SKOR1: variants seen among roughly 807,000 people sequenced by gnomAD.
The protein encoded by SKOR1 is SKI family transcriptional corepressor 1.
SKOR1 carries 38 observed loss-of-function variants against 72.4 expected under a neutral mutation model. That is an observed-to-expected ratio of 0.52 (90% CI 0.40 to 0.69). The LOEUF (loss-of-function observed/expected upper bound fraction) is 0.69, where lower values mean the gene tolerates loss of function less well. Ranked by LOEUF, SKOR1 falls within the 30% of genes least tolerant of loss-of-function variation. The pLI, the probability that SKOR1 is intolerant of heterozygous loss-of-function variation, is 0.00. For synonymous variants in SKOR1, 642 were observed against 599.4 expected (o/e 1.07, Z -1.04); for missense variants, 1,320 against 1,343.2 (o/e 0.98, Z 0.27).
At chr15:67,831,191 C>A (rs954741284) in intron 5 of SKOR1, among the ~76,000 whole-genome samples, 1 of 152,136 alleles carries the variant, frequency 6.6e-6, no homozygotes, top group Non-Finnish European at 1.5e-5. Flanking sequence ...AAATGAGTAA[C>A]AATGATCAGA....
At position 67,826,911 on chromosome 15, in the gene SKOR1, A is replaced by G; in HGVS notation, c.1083A>G (p.Gly361=). The G allele has an allele frequency of 6.4e-7, 1 of 1,557,324 alleles. No homozygotes were observed. The highest frequency in any genetic ancestry group is 1.2e-5 in the South Asian group (1 of 86,004). ...GAGCTAGTGGCCCGGCGGGCCCAGG[A>G]GGGCCCGGTGGCGGCGCCGGCGTAC... The part of the protein sequence containing the change: ...ATGASGPAGP[G]GPGGGAGVRS... Residue 361 remains glycine (G), a synonymous_variant, in exon 2 of 9, where the codon GGA becomes GGG. Coordinates refer to ENST00000380035, the MANE Select transcript of SKOR1 (RefSeq NM_001365915.1).
chr15:67,825,863 T>G lies in SKOR1; in HGVS notation c.108-73T>G. The G allele has an allele frequency of 1.3e-6, 2 of 1,513,016 alleles. No individual in the cohort carries two copies. The highest frequency in any genetic ancestry group is 1.8e-6 in the Non-Finnish European group (2 of 1,138,058). The allele number at this position is 1,513,016 out of a possible 1,614,324, so 93.7% of individuals were successfully genotyped here. On this transcript the variant is annotated intron_variant, in intron 1 of 8. Coordinates refer to ENST00000380035, the MANE Select transcript of SKOR1 (RefSeq NM_001365915.1). This position sits in a 1 kb window ranked among gnomAD's most constrained non-coding sequence, Gnocchi z 5.6. ...CCCGCGCGCCCAACTCGGAGCGCCCTGCTGGGCGGGCCCGAGCCTCGGCGG... is the reference window on the plus strand; with the variant it reads ...CCCGCGCGCCCAACTCGGAGCGCCCGGCTGGGCGGGCCCGAGCCTCGGCGG...
chr15:67,833,888 T>C lies in SKOR1; in HGVS notation c.*52T>C. The C allele has an allele frequency of 6.4e-7, 1 of 1,554,920 alleles. No homozygotes were observed. The highest frequency in any genetic ancestry group is 8.8e-7 in the Non-Finnish European group (1 of 1,137,970). Reference sequence around the variant, plus strand: ...CTCAAGCCATGCTGCTCCTTGTAAATACCCGCTGCTGCGGTGGCCCTGAGC... The same window carrying C: ...CTCAAGCCATGCTGCTCCTTGTAAACACCCGCTGCTGCGGTGGCCCTGAGC... On this transcript the variant is annotated 3_prime_UTR_variant, in exon 9 of 9. Coordinates refer to ENST00000380035, the MANE Select transcript of SKOR1 (RefSeq NM_001365915.1). This position sits in a 1 kb window ranked among gnomAD's most constrained non-coding sequence, Gnocchi z 6.0.
Position 67,832,530 on chromosome 15 carries a change from G to T in SKOR1, c.2663-77G>T. The T allele has an allele frequency of 7.1e-7, 1 of 1,413,442 alleles. No individual in the cohort carries two copies. The highest frequency in any genetic ancestry group is 2.3e-5 in the East Asian group (1 of 43,378). 87.6% of individuals were successfully genotyped at this position (1,413,442 alleles called of 1,614,324 possible). On this transcript the variant is annotated intron_variant, in intron 6 of 8. Transcript: ENST00000380035. This position sits in a 1 kb window ranked among gnomAD's most constrained non-coding sequence, Gnocchi z 4.5. ...GTGGGAGTTGGGGGTAGGGGTGAAA[G>T]GGGGGGCCAGGAGTGAGAAAGTGGA... is the stretch of plus-strand genomic sequence containing the variant.
chr15:67,833,478 T>C lies in SKOR1; in HGVS notation c.2803+221T>C, dbSNP rs1284125359. ...GCTTTGGACGTCAGAAAAATCTGCC[T>C]TCTATTACCAATTCTGGCTTTGAGC... On this transcript the variant is annotated intron_variant, in intron 8 of 8. Transcript: ENST00000380035. The surrounding 1 kb of genome is among the most constrained non-coding windows in gnomAD (Gnocchi z 6.0). Among the ~76,000 whole-genome samples the C allele has an allele frequency of 6.6e-6, 1 of 152,206 alleles. No homozygotes were observed. Among genetic ancestry groups the C allele is most frequent in the Non-Finnish European group, 1.5e-5 (1 of 68,040 alleles).
rs1566977819 is a variant in SKOR1 at position 67,834,238 on chromosome 15, T to C, written c.*402T>C. ...CCCCGCACTCCCCGTCCCGTCCACT[T>C]CTGAAACTCCTGTTCCTAATGACAA... On this transcript the variant is annotated 3_prime_UTR_variant, in exon 9 of 9. Transcript: ENST00000380035. This position sits in a 1 kb window ranked among gnomAD's most constrained non-coding sequence, Gnocchi z 5.8. 2 of 290,856 alleles carry C rather than the reference T, an allele frequency of 6.9e-6. No homozygotes were observed. The highest frequency in any genetic ancestry group is 4.3e-5 in the African/African-American group (2 of 46,706). The allele number at this position is 290,856 out of a possible 1,614,324, so 18.0% of individuals were successfully genotyped here. A position where few individuals can be genotyped will look rare whatever the true frequency, so the allele number is the denominator to read the frequency against.
intron 5 of SKOR1, among the ~76,000 whole-genome samples, chr15:67,831,503 C>T (rs556332096): frequency 1.2e-4 from 18 of 152,242 alleles, no homozygotes; most frequent in Non-Finnish European, 2.6e-4. Flanking sequence ...TCCATTCTTG[C>T]ATTTCAGAGG....
Position 67,827,593 on chromosome 15 carries a change from G to A in SKOR1, c.1765G>A (p.Gly589Ser). ...GCCGCCCCCGCCGCCCGCACGCAAAGGCTCCTACGTGTCGGCCTTCCGGCC... is the reference window on the plus strand; with the variant it reads ...GCCGCCCCCGCCGCCCGCACGCAAAAGCTCCTACGTGTCGGCCTTCCGGCC... ...PPPPPPPARK[G>S]SYVSAFRPVV... Residue 589 changes from glycine (G) to serine (S), a missense_variant, in exon 2 of 9, where the codon GGC becomes AGC. By Grantham distance (56) the Gly-to-Ser change is moderately conservative. Coordinates refer to ENST00000380035, the MANE Select transcript of SKOR1 (RefSeq NM_001365915.1). The A allele has an allele frequency of 1.3e-6, 2 of 1,524,922 alleles. No individual in the cohort carries two copies. The highest frequency in any genetic ancestry group is 1.7e-6 in the Non-Finnish European group (2 of 1,143,036). The allele number at this position is 1,524,922 out of a possible 1,614,324, so 94.5% of individuals were successfully genotyped here.
chr15:67,825,638 G>T lies in SKOR1; in HGVS notation c.36G>T (p.Leu12=), dbSNP rs199839850. The part of the protein sequence containing the change: ...ALLCGLGQVT[L]RIWVSLPSQS... Reference sequence around the variant, plus strand: ...TGTGTGGCCTTGGGCAAGTCACTCTGCGTATCTGGGTTTCACTTCCTTCCC... The same window carrying T: ...TGTGTGGCCTTGGGCAAGTCACTCTTCGTATCTGGGTTTCACTTCCTTCCC... Residue 12 remains leucine, a synonymous_variant, in exon 1 of 9, where the codon CTG becomes CTT. Coordinates refer to ENST00000380035, the MANE Select transcript of SKOR1 (RefSeq NM_001365915.1). The surrounding 1 kb of genome is among the most constrained non-coding windows in gnomAD (Gnocchi z 5.6). 47 of 719,866 alleles carry T rather than the reference G, an allele frequency of 6.5e-5. No homozygotes were observed. The highest frequency in any genetic ancestry group is 1.0e-4 in the Non-Finnish European group (39 of 386,236). 44.6% of individuals were successfully genotyped at this position (719,866 alleles called of 1,614,324 possible).
chr15:67,829,900 A>G (rs1310794643), intron 3 of SKOR1, among the ~76,000 whole-genome samples: 1 of 151,672 alleles, frequency 6.6e-6, no homozygotes, highest in Non-Finnish European at 1.5e-5. Flanking sequence ...GCGGTGCCCC[A>G]GTATCTGCGC....
chr15:67,830,596 G>A (rs969421380), intron 4 of SKOR1, among the ~76,000 whole-genome samples: 2 of 152,156 alleles, frequency 1.3e-5, no homozygotes, highest in African/African-American at 2.4e-5. Context: ...CCTGCCCTTA[G>A]ATGGCCCATC....
chr15:67,828,281 C>T, intron 2 of SKOR1, 137 bp downstream of exon 2: 6 of 1,332,254 alleles, frequency 4.5e-6, no homozygotes, highest in Non-Finnish European at 5.7e-6. Context: ...TCTCCGCAGG[C>T]CCAGCCTTGG....
chr15:67,829,586 G>C (rs2090992185), intron 3 of SKOR1, among the ~76,000 whole-genome samples: 1 of 152,148 alleles, frequency 6.6e-6, no homozygotes, highest in Non-Finnish European at 1.5e-5. Flanking sequence ...CAGCAAGTGT[G>C]TTTGGCCGCG....
In SKOR1 at chr15:67,832,705, C is replaced by T. The variant is rs537464387; in HGVS notation, c.2737+24C>T. The T allele has an allele frequency of 1.9e-6, 3 of 1,604,522 alleles. No individual in the cohort carries two copies. The highest frequency in any genetic ancestry group is 2.2e-5 in the South Asian group (2 of 90,804). On this transcript the variant is annotated intron_variant, in intron 7 of 8. Transcript: ENST00000380035. This position sits in a 1 kb window ranked among gnomAD's most constrained non-coding sequence, Gnocchi z 4.5. The stretch of plus-strand genomic sequence containing the variant: ...AGGTAAGACGGGAGTCAGGTGAGCT[C>T]GTGCACGGGCCGTAACTGCCTCTCG...
At chr15:67,831,003 C>A in intron 5 of SKOR1, 114 bp downstream of exon 5, 1 of 1,043,178 alleles carries the variant, frequency 9.6e-7, no homozygotes, top group Non-Finnish European at 1.5e-6. Flanking sequence ...TCACCAAGGC[C>A]TTGGGGGCAT....
rs754250618 is a variant in SKOR1 at position 67,833,217 on chromosome 15, G to A, written c.2763G>A (p.Gln921=). The change falls in exon 8 of 9, where the codon CAG becomes CAA. Residue 921 remains glutamine (Q), a synonymous_variant. Coordinates refer to ENST00000380035, the MANE Select transcript of SKOR1 (RefSeq NM_001365915.1). The surrounding 1 kb of genome is among the most constrained non-coding windows in gnomAD (Gnocchi z 6.0). The part of the protein sequence containing the change: ...VRDTLCNELD[Q]ERKARYAIQQ... ...ATACCCTGTGTAACGAACTCGACCA[G>A]GAGCGGAAGGCGCGCTATGCCATCC... The A allele has an allele frequency of 3.1e-6, 5 of 1,614,028 alleles. No homozygotes were observed. The highest frequency in any genetic ancestry group is 4.2e-6 in the Non-Finnish European group (5 of 1,180,036).
chr15:67,827,925 C>T lies in SKOR1; in HGVS notation c.2097C>T (p.Ser699=), dbSNP rs1282118503. Residue 699 remains serine, a synonymous_variant, in exon 2 of 9, where the codon TCC becomes TCT. Coordinates refer to ENST00000380035, the MANE Select transcript of SKOR1 (RefSeq NM_001365915.1). Reference sequence around the variant, plus strand: ...GTGAACAGCCCACTGGACCCCCTTCCGCCACCTCCTCTGGCGCGGACGGTC... The same window carrying T: ...GTGAACAGCCCACTGGACCCCCTTCTGCCACCTCCTCTGGCGCGGACGGTC... ...PDGEQPTGPP[S]ATSSGADGPA... 6.3e-7 allele frequency: 1 copy of T among 1,588,212 alleles called. No individual in the cohort carries two copies. The highest frequency in any genetic ancestry group is 1.1e-5 in the South Asian group (1 of 87,804).
In SKOR1 at chr15:67,829,193, G is replaced by C; in HGVS notation, c.2331G>C (p.Glu777Asp). ...GGCCGTCGCAGGTGTTCGCGCCCGA[G>C]AGGGATGAGCACGTGAAGAGCGCGG... is the stretch of plus-strand genomic sequence containing the variant. ...GPAPAKVFAP[E>D]RDEHVKSAAV... is the part of the protein sequence containing the mutation. Residue 777 changes from glutamate (E) to aspartate (D), a missense_variant, in exon 3 of 9, where the codon GAG (glutamate) becomes GAC (aspartate). By Grantham distance (45) the Glu-to-Asp change is conservative. Around this residue, in one of 3 missense-constraint regions of SKOR1, gnomAD observed 1,099 missense variants for 1,025.5 expected, o/e 1.07. Transcript: ENST00000380035. The C allele has an allele frequency of 6.4e-7, 1 of 1,569,018 alleles. No homozygotes were observed. The highest frequency in any genetic ancestry group is 8.6e-7 in the Non-Finnish European group (1 of 1,164,256).
rs1407292122 is a variant in SKOR1 at position 67,827,333 on chromosome 15, C to T, written c.1505C>T (p.Ser502Phe). 1.9e-6 allele frequency: 3 copies of T among 1,589,718 alleles called. No individual in the cohort carries two copies. The African/African-American group carries it at 4.1e-5, about 22-fold the overall frequency. ...WPAAGSLPVP[S>F]YPAAQSQAKA... Reference sequence around the variant, plus strand: ...GCAGCAGGCAGCCTCCCGGTACCGTCCTACCCCGCTGCTCAGAGCCAAGCC... The same window carrying T: ...GCAGCAGGCAGCCTCCCGGTACCGTTCTACCCCGCTGCTCAGAGCCAAGCC... The change falls in exon 2 of 9, where the codon TCC (serine) becomes TTC (phenylalanine). Residue 502 changes from serine (S) to phenylalanine (F), a missense_variant. This residue lies in a region of SKOR1 where 1,099 missense variants were observed against 1,025.5 expected (regional missense o/e 1.07). Coordinates refer to ENST00000380035, the MANE Select transcript of SKOR1 (RefSeq NM_001365915.1).
Sources: gnomAD v4.1 joint callset for allele counts (sites outside exome capture counted in the v4.1 genomes callset) on GRCh38, gnomAD v4.1.1 for gene constraint, gnomAD v4.1.1 regional missense constraint, Gnocchi (gnomAD v3.1) non-coding constraint, MANE v1.5 for transcripts, NCBI Gene and HGNC (gene_info 2026-07-23, HGNC 2026-07-21) for gene names.